The following PDGFD variants were observed in gnomAD, a reference collection of about 807,000 sequenced individuals.
The protein encoded by PDGFD is platelet derived growth factor D, also known as platelet-derived growth factor D.
Under a neutral mutation model 44.7 loss-of-function variants are expected in PDGFD, and 30 were observed. The observed-to-expected ratio is 0.67, with a 90% CI of 0.50 to 0.91. PDGFD has a LOEUF of 0.91. PDGFD is among the 40% of genes least tolerant of loss of function. The pLI is 0.00. For missense variants in PDGFD, 445 were observed against 457.8 expected (o/e 0.97, Z 0.25); for synonymous variants, 173 against 168.4 (o/e 1.03, Z -0.21).
chr11:104,025,568 G>A (rs1860029915), intron 1 of PDGFD, among the ~76,000 whole-genome samples: 1 of 152,202 alleles, frequency 6.6e-6, no homozygotes, highest in African/African-American at 2.4e-5. Context: ...GTACATGTGA[G>A]AAAGTGGATA....
chr11:104,030,381 G>C (rs376823499), intron 1 of PDGFD, among the ~76,000 whole-genome samples: 3 of 152,082 alleles, frequency 2.0e-5, no homozygotes, highest in Non-Finnish European at 2.9e-5. Context: ...CAGGCTGAAG[G>C]GCAATGAAAT....
At chr11:104,055,788 G>A (rs1174281408) in intron 1 of PDGFD, among the ~76,000 whole-genome samples, 1 of 152,072 alleles carries the variant, frequency 6.6e-6, no homozygotes, top group East Asian at 1.9e-4. Context: ...TACTACTGAA[G>A]TACAAGCATA....
At chr11:104,117,188 A>G (rs1861654717) in intron 1 of PDGFD, among the ~76,000 whole-genome samples, 1 of 152,162 alleles carries the variant, frequency 6.6e-6, no homozygotes. Flanking sequence ...CCATCCCTTT[A>G]TGATTAAAAC....
At chr11:104,086,717 G>A (rs1297548500) in intron 1 of PDGFD, among the ~76,000 whole-genome samples, 4 of 152,136 alleles carry the variant, frequency 2.6e-5, no homozygotes, top group Admixed American at 6.5e-5. Flanking sequence ...TCCTCATCTT[G>A]CTCAATTCCC....
At chr11:104,099,957 G>A (rs906386187) in intron 1 of PDGFD, among the ~76,000 whole-genome samples, 2 of 151,978 alleles carry the variant, frequency 1.3e-5, no homozygotes, top group East Asian at 3.9e-4. Context: ...TACCACACTA[G>A]TTCATTAATA....
intron 1 of PDGFD, among the ~76,000 whole-genome samples, chr11:104,058,854 T>C (rs1860664070): frequency 6.6e-6 from 1 of 152,196 alleles, no homozygotes; most frequent in South Asian, 2.1e-4. Flanking sequence ...ATGTAAAGCA[T>C]TATGCTAAGT....
At chr11:103,966,077 T>C (rs1459210992) in intron 3 of PDGFD, among the ~76,000 whole-genome samples, 1 of 152,104 alleles carries the variant, frequency 6.6e-6, no homozygotes, top group Non-Finnish European at 1.5e-5. Flanking sequence ...GTAATAACAT[T>C]TAATATATAA....
chr11:103,926,815 TTG>T, intron 6 of PDGFD, 95 bp downstream of exon 6: 1 of 1,293,596 alleles, frequency 7.7e-7, no homozygotes, highest in Middle Eastern at 1.9e-4. Flanking sequence ...CTGGGTGCCC[TTG>T]TGCAGTGAAC....
At chr11:104,142,868 A>G (rs1371796174) in intron 1 of PDGFD, among the ~76,000 whole-genome samples, 1 of 152,152 alleles carries the variant, frequency 6.6e-6, no homozygotes, top group African/African-American at 2.4e-5. Flanking sequence ...CATGTCCGCG[A>G]AGGTTTCAAA....
chr11:103,974,989 A>C (rs1859161488), intron 3 of PDGFD, among the ~76,000 whole-genome samples: 2 of 152,204 alleles, frequency 1.3e-5, no homozygotes, highest in Non-Finnish European at 2.9e-5. Flanking sequence ...AAAATGATTT[A>C]TAATTCTTTG....
rs138960603 is a variant in PDGFD, at chr11:104,090,854, T to C, written c.124+72950A>G. The stretch of plus-strand genomic sequence containing the variant: ...TCAATTCTGCCTGGAATGTGCCACA[T>C]TATTGATCTCCTGGGTCTTTTCCAG... On this transcript the variant is annotated intron_variant, in intron 1 of 6. Transcript: ENST00000393158. 2.4e-3 allele frequency among the ~76,000 whole-genome samples: 369 copies of C among 152,186 alleles called. 4 individuals are homozygous for C. The highest frequency in any genetic ancestry group is 0.02 in the Admixed American group (309 of 15,270).
chr11:103,943,512 T>A lies in PDGFD; in HGVS notation c.712A>T (p.Asn238Tyr), dbSNP rs1250287673. 7.4e-6 allele frequency: 12 copies of A among 1,613,256 alleles called. No individual in the cohort carries two copies. The highest frequency in any genetic ancestry group is 1.0e-5 in the Non-Finnish European group (12 of 1,179,620). Residue 238 changes from asparagine to tyrosine, a missense_variant, in exon 5 of 7, where the codon AAT becomes TAT. Physicochemically the swap from Asn to Tyr is moderately radical, Grantham distance 143. Transcript: ENST00000393158. ...TACCGAGGGGTGTCCAGATACATAT[T>A]CTCAAGATCTTCTTGCCATGACTCT... ...NPESWQEDLENMYLDTPRYRG... is the reference protein window; with the variant it reads ...NPESWQEDLEYMYLDTPRYRG...
chr11:104,135,865 G>A (rs1861996189), intron 1 of PDGFD, among the ~76,000 whole-genome samples: 1 of 152,208 alleles, frequency 6.6e-6, no homozygotes, highest in South Asian at 2.1e-4. Flanking sequence ...GAGCTCATGA[G>A]AGAGGTCTAG....
chr11:104,057,248 T>G (rs1387308789), intron 1 of PDGFD, among the ~76,000 whole-genome samples: 2 of 152,144 alleles, frequency 1.3e-5, no homozygotes, highest in East Asian at 3.9e-4. Context: ...AATATTAAAC[T>G]GAAAAACCCA....
intron 6 of PDGFD, among the ~76,000 whole-genome samples, chr11:103,922,254 A>G (rs147224798): frequency 1.3e-5 from 2 of 152,296 alleles, no homozygotes; most frequent in African/African-American, 4.8e-5. Flanking sequence ...CTGAAATAAT[A>G]GTTTCTTCTA....
chr11:103,998,018 C>T (rs1181712073), intron 2 of PDGFD, among the ~76,000 whole-genome samples: 1 of 152,102 alleles, frequency 6.6e-6, no homozygotes, highest in East Asian at 1.9e-4. Context: ...AATTTCAAGG[C>T]CAGGATGTCA....
At chr11:103,945,318 C>G (rs190403997) in intron 4 of PDGFD, among the ~76,000 whole-genome samples, 1 of 152,100 alleles carries the variant, frequency 6.6e-6, no homozygotes, top group Non-Finnish European at 1.5e-5. Flanking sequence ...CTGCTTGATA[C>G]GAGCTGAACC....
intron 1 of PDGFD, among the ~76,000 whole-genome samples, chr11:104,155,983 T>C (rs569587378): frequency 6.6e-6 from 1 of 152,284 alleles, no homozygotes; most frequent in East Asian, 1.9e-4. Context: ...TCCTAATATA[T>C]ACAACATAGG....
chr11:103,954,661 T>C (rs908550136), intron 3 of PDGFD, among the ~76,000 whole-genome samples: 3 of 152,134 alleles, frequency 2.0e-5, no homozygotes, highest in Admixed American at 6.5e-5. Flanking sequence ...GTATTTTCTG[T>C]CATTCTGAAA....
Sources: allele counts gnomAD v4.1 joint callset (sites outside exome capture counted in the v4.1 genomes callset), GRCh38; gene constraint gnomAD v4.1.1; transcripts MANE v1.5; gene names NCBI Gene and HGNC (gene_info 2026-07-23, HGNC 2026-07-21).